PPARG: variants seen among roughly 807,000 people sequenced by gnomAD.
PPARG encodes the protein peroxisome proliferator activated receptor gamma.
A neutral mutation model predicts 39.2 loss-of-function variants in PPARG; 17 were observed. The ratio of observed to expected loss-of-function variants is 0.43; its 90% CI spans 0.30 to 0.65. The LOEUF is 0.65. Ranked by LOEUF, PPARG falls within the 30% of genes least tolerant of loss-of-function variation. The probability of loss-of-function intolerance (pLI) is 0.13; values close to 1 mark genes in which losing one functional copy is unlikely to be tolerated. For synonymous variants in PPARG, 223 were observed against 215.7 expected (o/e 1.03, Z -0.30); for missense variants, 406 against 585.9 (o/e 0.69, Z 3.17).
rs570857717 is a variant in PPARG, at chr3:12,340,804, G to A, written c.-9+28351G>A. On this transcript the variant is annotated intron_variant, in intron 2 of 7. Transcript: ENST00000651735. ...TAGGAATAACTACCTGCTAAACACT[G>A]AAAATCTGTTGGTGGAAATCATCGG... 2.0e-5 allele frequency among the ~76,000 whole-genome samples: 3 copies of A among 152,306 alleles called. No homozygotes were observed. The South Asian group carries it at 6.2e-4, about 32-fold the overall frequency.
intron 7 of PPARG, among the ~76,000 whole-genome samples, chr3:12,421,853 C>T (rs747302252): frequency 2.6e-4 from 40 of 152,076 alleles, no homozygotes; most frequent in Non-Finnish European, 5.3e-4. Context: ...TCCAGCAGTC[C>T]CAGCACTGTT....
Position 12,392,611 on chromosome 3 carries a change from C to T in PPARG, c.391-3C>T, listed in dbSNP as rs370830238. The T allele has an allele frequency of 2.0e-4, 321 of 1,613,692 alleles. No homozygotes were observed. In the Middle Eastern group the frequency reaches 5.0e-3, roughly 25 times the overall value. On this transcript the variant is annotated splice_polypyrimidine_tract_variant and splice_region_variant and intron_variant, in intron 4 of 7. Coordinates refer to ENST00000651735, the MANE Select transcript of PPARG (RefSeq NM_138711.6). ...AATTTGCTTCTTTTTTATCCCTTTG[C>T]AGGGTTTCTTCCGGAGAACAATCAG...
At chr3:12,366,325 C>T (rs968267917) in intron 2 of PPARG, among the ~76,000 whole-genome samples, 2 of 151,400 alleles carry the variant, frequency 1.3e-5, no homozygotes, top group African/African-American at 4.8e-5. Context: ...TTACTAGGTC[C>T]AGGAGATTTT....
At chr3:12,405,591 C>T (rs1177290569) in intron 5 of PPARG, among the ~76,000 whole-genome samples, 1 of 152,194 alleles carries the variant, frequency 6.6e-6, no homozygotes, top group African/African-American at 2.4e-5. Context: ...AATTATTTCA[C>T]GTTTAAGTCG....
At chr3:12,361,785 C>T (rs1457862021) in intron 2 of PPARG, among the ~76,000 whole-genome samples, 1 of 152,190 alleles carries the variant, frequency 6.6e-6, no homozygotes, top group African/African-American at 2.4e-5. Context: ...TTGCTCTTCC[C>T]CTTCAAGATT....
chr3:12,374,164 C>G lies in PPARG; in HGVS notation c.-8-5540C>G, dbSNP rs371084559. 2.2e-3 allele frequency among the ~76,000 whole-genome samples: 331 copies of G among 152,218 alleles called. 13 individuals carry two copies. In the South Asian group the frequency reaches 0.066, roughly 30 times the overall value. On this transcript the variant is annotated intron_variant, in intron 2 of 7. Transcript: ENST00000651735. ...CTGCTTTTCCACCAGTATGCCCTTA[C>G]TAGTAGAGGACAGCAAAACCATACC...
At chr3:12,383,126 T>A (rs2049744085) in intron 4 of PPARG, among the ~76,000 whole-genome samples, 1 of 152,192 alleles carries the variant, frequency 6.6e-6, no homozygotes, top group African/African-American at 2.4e-5. Context: ...TCCAAAGTCA[T>A]TAGCCAGTCA....
At chr3:12,414,506 A>G (rs1259277102) in intron 6 of PPARG, among the ~76,000 whole-genome samples, 1 of 152,278 alleles carries the variant, frequency 6.6e-6, no homozygotes, top group Admixed American at 6.5e-5. Flanking sequence ...TTTCATTAAT[A>G]TAAATTATAA....
chr3:12,336,202 A>C (rs1164416139), intron 2 of PPARG, among the ~76,000 whole-genome samples: 2 of 152,222 alleles, frequency 1.3e-5, no homozygotes, highest in South Asian at 4.1e-4. Flanking sequence ...GCTGATCTGA[A>C]TTCTCCGTAA....
chr3:12,363,986 A>G (rs1054226471), intron 2 of PPARG, among the ~76,000 whole-genome samples: 2 of 150,874 alleles, frequency 1.3e-5, no homozygotes, highest in Admixed American at 6.6e-5. Flanking sequence ...ACCACGCACA[A>G]TCTCCCCCAC....
Position 12,325,600 on chromosome 3 carries a change from C to CA in PPARG, c.-9+13156dup, listed in dbSNP as rs201763419. On this transcript the variant is annotated intron_variant, in intron 2 of 7. Coordinates refer to ENST00000651735, the MANE Select transcript of PPARG (RefSeq NM_138711.6). ...TGGGGGACAGAGCAAGACTCTGTCT[C>CA]AAAAAAAAATAAATAAATAAATAAA... Among the ~76,000 whole-genome samples, 1,460 of 146,600 alleles carry CA rather than the reference C, an allele frequency of 1.0e-2. 30 individuals carry two copies. Among genetic ancestry groups the CA allele is most frequent in the African/African-American group, 0.034 (1,345 of 39,832 alleles).
intron 6 of PPARG, among the ~76,000 whole-genome samples, chr3:12,415,789 G>C (rs2051034738): frequency 1.3e-5 from 2 of 152,100 alleles, no homozygotes; most frequent in Admixed American, 1.3e-4. Context: ...TGGTTCAAGA[G>C]CTGTAATCTG....
At chr3:12,296,682 G>A (rs753500122) in intron 1 of PPARG, among the ~76,000 whole-genome samples, 8 of 152,162 alleles carry the variant, frequency 5.3e-5, no homozygotes, top group South Asian at 4.1e-4. Flanking sequence ...GAGGCTAGCC[G>A]GCTCACTAAT....
rs1173987879 is a variant in PPARG, at chr3:12,405,970, C to T, written c.618C>T (p.Ser206=). 6.2e-6 allele frequency: 10 copies of T among 1,614,082 alleles called. No homozygotes were observed. The highest frequency in any genetic ancestry group is 1.7e-5 in the Admixed American group (1 of 60,012). ...ATATCGACCAGCTGAATCCAGAGTCCGCTGACCTCCGGGCCCTGGCAAAAC... is the reference window on the plus strand; with the variant it reads ...ATATCGACCAGCTGAATCCAGAGTCTGCTGACCTCCGGGCCCTGGCAAAAC... ...SSDIDQLNPE[S]ADLRALAKHL... Residue 206 remains serine, a synonymous_variant, in exon 6 of 8, where the codon TCC becomes TCT. Transcript: ENST00000651735.
intron 2 of PPARG, chr3:12,372,258 TTTAATA>T: frequency 1.5e-6 from 1 of 685,444 alleles, no homozygotes; most frequent in Non-Finnish European, 2.7e-6. Context: ...TAAATAATTG[TTTAATA>T]TAGAACTGGA....
chr3:12,295,156 A>G (rs772380046), intron 1 of PPARG, among the ~76,000 whole-genome samples: 4 of 152,154 alleles, frequency 2.6e-5, no homozygotes, highest in Non-Finnish European at 4.4e-5. Flanking sequence ...GAGAATCTCA[A>G]AGTGTTCCTT....
intron 4 of PPARG, among the ~76,000 whole-genome samples, chr3:12,387,631 G>A (rs1393468752): frequency 6.6e-6 from 1 of 152,072 alleles, no homozygotes; most frequent in Non-Finnish European, 1.5e-5. Flanking sequence ...TTTGTCAGAT[G>A]GGTAGATTGC....
At chr3:12,425,931 A>G (rs936364231) in intron 7 of PPARG, among the ~76,000 whole-genome samples, 3 of 152,188 alleles carry the variant, frequency 2.0e-5, no homozygotes, top group African/African-American at 7.2e-5. Context: ...GCCCATGCTC[A>G]GTTTCCACTG....
intron 4 of PPARG, among the ~76,000 whole-genome samples, chr3:12,388,439 A>T (rs1165960029): frequency 6.6e-6 from 1 of 152,210 alleles, no homozygotes; most frequent in East Asian, 1.9e-4. Flanking sequence ...CCAAAGGCAG[A>T]TGGCTGTAGC....
Sources: gnomAD v4.1 joint callset for allele counts (sites outside exome capture counted in the v4.1 genomes callset) on GRCh38, gnomAD v4.1.1 for gene constraint, MANE v1.5 for transcripts, NCBI Gene and HGNC (gene_info 2026-07-23, HGNC 2026-07-21) for gene names.